FAM171B: variants seen among roughly 807,000 people sequenced by gnomAD.
FAM171B encodes protein FAM171B.
In FAM171B, 19 loss-of-function variants were observed where a neutral mutation model predicts 75.6. The ratio of observed to expected loss-of-function variants is 0.25; its 90% confidence interval spans 0.18 to 0.37. The LOEUF (loss-of-function observed/expected upper bound fraction) is 0.37, where lower values mean the gene tolerates loss of function less well. Ranked by LOEUF, FAM171B falls within the 10% of genes least tolerant of loss-of-function variation. The pLI, the probability that FAM171B is intolerant of heterozygous loss-of-function variation, is 1.00. For synonymous variants in FAM171B, 367 were observed against 361.7 expected (o/e 1.01, Z -0.17); for missense variants, 848 against 982.4 (o/e 0.86, Z 1.83).
intron 1 of FAM171B, among the ~76,000 whole-genome samples, chr2:186,702,515 A>T (rs75086903): frequency 6.6e-6 from 1 of 152,228 alleles, no homozygotes; most frequent in Non-Finnish European, 1.5e-5. Flanking sequence ...TGTCCAAGAC[A>T]TATCAGATTC....
At chr2:186,731,919 T>G (rs555564980) in intron 1 of FAM171B, among the ~76,000 whole-genome samples, 1 of 152,210 alleles carries the variant, frequency 6.6e-6, no homozygotes, top group East Asian at 1.9e-4. Context: ...GATCTGTCAC[T>G]CTCTCCCATC....
intron 1 of FAM171B, among the ~76,000 whole-genome samples, chr2:186,704,271 C>T (rs1689704273): frequency 6.6e-6 from 1 of 152,020 alleles, no homozygotes; most frequent in East Asian, 1.9e-4. Flanking sequence ...TATGAAACAA[C>T]TAATCTGATC....
At chr2:186,735,516 C>T (rs1690186967) in intron 1 of FAM171B, among the ~76,000 whole-genome samples, 1 of 152,170 alleles carries the variant, frequency 6.6e-6, no homozygotes, top group Non-Finnish European at 1.5e-5. Flanking sequence ...CTCCTCACAT[C>T]CTCCTAACCC....
intron 2 of FAM171B, among the ~76,000 whole-genome samples, chr2:186,743,224 T>C (rs1002325277): frequency 1.3e-5 from 2 of 152,208 alleles, no homozygotes; most frequent in Non-Finnish European, 2.9e-5. Flanking sequence ...ATCACCTTGG[T>C]ATAGACTACT....
chr2:186,715,384 G>A (rs947103615), intron 1 of FAM171B, among the ~76,000 whole-genome samples: 1 of 152,032 alleles, frequency 6.6e-6, no homozygotes, highest in Non-Finnish European at 1.5e-5. Context: ...TAAATTTTTT[G>A]TAGAGACAGG....
At chr2:186,761,061 G>A (rs1690607040) in intron 6 of FAM171B, 52 bp from the exon 7 acceptor site, 1 of 1,562,944 alleles carries the variant, frequency 6.4e-7, no homozygotes, top group Non-Finnish European at 8.7e-7. Context: ...TGACATAGTT[G>A]AGAATTTGAT....
intron 1 of FAM171B, among the ~76,000 whole-genome samples, chr2:186,734,646 C>G (rs1690170867): frequency 6.6e-6 from 1 of 152,082 alleles, no homozygotes; most frequent in Non-Finnish European, 1.5e-5. Context: ...ATGAGTGGGC[C>G]AGGAAGATGC....
chr2:186,752,262 A>G (rs931977434), intron 5 of FAM171B, among the ~76,000 whole-genome samples: 2 of 152,176 alleles, frequency 1.3e-5, no homozygotes, highest in African/African-American at 4.8e-5. Context: ...TTGAAGCTGG[A>G]TGGGACCCTA....
At chr2:186,751,096 G>C in intron 4 of FAM171B, 38 bp from the exon 5 acceptor site, 17 of 1,498,478 alleles carry the variant, frequency 1.1e-5, no homozygotes, top group Non-Finnish European at 1.5e-5. Context: ...TACCACCTCT[G>C]TTTACATATG....
intron 1 of FAM171B, among the ~76,000 whole-genome samples, chr2:186,706,659 C>T (rs1689736999): frequency 1.3e-5 from 2 of 152,174 alleles, no homozygotes; most frequent in African/African-American, 4.8e-5. Context: ...GATATAGACA[C>T]CCCTGACAAA....
chr2:186,732,705 A>T (rs1199556761), intron 1 of FAM171B, among the ~76,000 whole-genome samples: 1 of 152,180 alleles, frequency 6.6e-6, no homozygotes. Flanking sequence ...GGCTGTCTGC[A>T]TGTGCAGTGG....
intron 1 of FAM171B, among the ~76,000 whole-genome samples, chr2:186,704,276 C>T (rs2122176): frequency 0.082 from 12,447 of 152,102 alleles, 560 homozygotes; most frequent in South Asian, 0.12. Flanking sequence ...AACAACTAAT[C>T]TGATCTAATG....
intron 6 of FAM171B, among the ~76,000 whole-genome samples, chr2:186,755,055 A>C (rs1690513376): frequency 6.6e-6 from 1 of 152,166 alleles, no homozygotes; most frequent in Admixed American, 6.6e-5. Context: ...ATGTTGTCAA[A>C]TTATCTAGAT....
chr2:186,736,538 C>CTGTGTGTGTGTGTG (rs10660120), intron 1 of FAM171B, among the ~76,000 whole-genome samples: 104 of 122,938 alleles, frequency 8.5e-4, no homozygotes, highest in Non-Finnish European at 1.1e-3. Flanking sequence ...ATGTTTGTGG[C>CTGTGTGTGTGTGTG]TGTGTGTGTG....
At chr2:186,739,028 A>G (rs1326586608) in intron 1 of FAM171B, among the ~76,000 whole-genome samples, 1 of 152,226 alleles carries the variant, frequency 6.6e-6, no homozygotes, top group East Asian at 1.9e-4. Context: ...ACAGCATATT[A>G]CTGTACTGGA....
chr2:186,714,151 G>A (rs1689845407), intron 1 of FAM171B, among the ~76,000 whole-genome samples: 2 of 151,706 alleles, frequency 1.3e-5, no homozygotes, highest in African/African-American at 4.8e-5. Flanking sequence ...TACCTCAAAG[G>A]AGTAGTAAAT....
chr2:186,758,448 G>A (rs542852806), intron 6 of FAM171B, among the ~76,000 whole-genome samples: 61 of 152,212 alleles, frequency 4.0e-4, no homozygotes, highest in African/African-American at 1.3e-3. Context: ...CCTCAGTGCA[G>A]GTGGGAGCCT....
At chr2:186,744,530 AT>A (rs1349860497) in intron 3 of FAM171B, among the ~76,000 whole-genome samples, 1 of 152,008 alleles carries the variant, frequency 6.6e-6, no homozygotes, top group Admixed American at 6.6e-5. Flanking sequence ...TATTTGCCAG[AT>A]TTTTTTTATC....
At position 186,694,385 on chromosome 2, in the gene FAM171B, G is replaced by A; in HGVS notation, c.212G>A (p.Gly71Glu). The A allele has an allele frequency of 1.2e-6, 2 of 1,612,590 alleles. No individual in the cohort carries two copies. Among genetic ancestry groups the A allele is most frequent in the Non-Finnish European group, 1.7e-6 (2 of 1,179,510 alleles). Residue 71 changes from glycine to glutamate, a missense_variant, in exon 1 of 8, where the codon GGG becomes GAG. Transcript: ENST00000304698. ...EAEEERTEVP[G>E]ATSTLTVPVS... ...GAGGAGGAGAGGACAGAGGTGCCTG[G>A]GGCAACCTCCACCTTGACGGTTCCA... is the stretch of plus-strand genomic sequence containing the variant.
Sources: allele counts gnomAD v4.1 joint callset (sites outside exome capture counted in the v4.1 genomes callset), GRCh38; gene constraint gnomAD v4.1.1; transcripts MANE v1.5; gene names NCBI Gene and HGNC (gene_info 2026-07-23, HGNC 2026-07-21).